Variants in FSTL5 observed in about 807,000 individuals in gnomAD.
FSTL5 encodes follistatin like 5, also known as follistatin-related protein 5.
FSTL5 carries 62 observed loss-of-function variants against 89.1 expected under a neutral mutation model. The ratio of observed to expected loss-of-function variants is 0.70; its 90% CI spans 0.57 to 0.86. The LOEUF (loss-of-function observed/expected upper bound fraction) is 0.86. Among genes scored for constraint, FSTL5 ranks in the 40% least tolerant of loss-of-function variants. The probability of loss-of-function intolerance (pLI) is 0.00; values close to 1 mark genes in which losing one functional copy is unlikely to be tolerated. For missense variants in FSTL5, 1,057 were observed against 1,001.6 expected, an observed-to-expected ratio of 1.06 and a Z score of -0.75; for synonymous variants, 383 against 346.2, an observed-to-expected ratio of 1.11 and a Z score of -1.18.
At chr4:161,654,003 A>T (rs1176062419) in intron 7 of FSTL5, among the ~76,000 whole-genome samples, 2 of 152,184 alleles carry the variant, frequency 1.3e-5, no homozygotes. Flanking sequence ...CTCAAAATGT[A>T]TCTGTTCTAT....
At chr4:161,990,055 T>C (rs1344446364) in intron 3 of FSTL5, among the ~76,000 whole-genome samples, 2 of 152,116 alleles carry the variant, frequency 1.3e-5, no homozygotes, top group African/African-American at 2.4e-5. Context: ...GGAAATAACT[T>C]TGTAAAATCT....
chr4:161,751,637 C>T (rs1740395831), intron 6 of FSTL5, among the ~76,000 whole-genome samples: 1 of 151,782 alleles, frequency 6.6e-6, no homozygotes, highest in African/African-American at 2.4e-5. Context: ...ATAAATTAGC[C>T]AAATGAGGTG....
At chr4:161,560,328 A>C (rs1354406612) in intron 8 of FSTL5, among the ~76,000 whole-genome samples, 1 of 151,950 alleles carries the variant, frequency 6.6e-6, no homozygotes, top group Non-Finnish European at 1.5e-5. Context: ...TGGTGAGTGA[A>C]TATAGAGGCC....
intron 4 of FSTL5, among the ~76,000 whole-genome samples, chr4:161,916,809 A>G (rs1448753866): frequency 6.6e-6 from 1 of 152,224 alleles, no homozygotes; most frequent in Non-Finnish European, 1.5e-5. Context: ...TATGTAACAC[A>G]AGTAATAGAA....
rs1737155169 is a variant in FSTL5 at position 161,672,619 on chromosome 4, AAT to A, written c.728-16127_728-16126del. On this transcript the variant is annotated intron_variant, in intron 6 of 15. Transcript: ENST00000306100. ...CTAGAGATATATAGAATTGAAGAAAAATACAAATTATCCTCTCTTTATTTTCA... is the reference window on the plus strand; with the variant it reads ...CTAGAGATATATAGAATTGAAGAAAAACAAATTATCCTCTCTTTATTTTCA... Among the ~76,000 whole-genome samples the A allele has an allele frequency of 2.6e-5, 4 of 152,052 alleles. No homozygotes were observed. The South Asian group carries it at 8.3e-4, about 32-fold the overall frequency.
chr4:161,554,067 TG>T (rs1732304876), intron 8 of FSTL5, among the ~76,000 whole-genome samples: 1 of 151,418 alleles, frequency 6.6e-6, no homozygotes, highest in African/African-American at 2.4e-5. Flanking sequence ...GAAATGAAGG[TG>T]AGGTTCTGAT....
chr4:161,499,098 A>G (rs1184886962), intron 12 of FSTL5, among the ~76,000 whole-genome samples: 2 of 152,072 alleles, frequency 1.3e-5, no homozygotes, highest in African/African-American at 4.8e-5. Flanking sequence ...GCTACTTGGG[A>G]GGCTGAGGCA....
chr4:161,401,110 G>A (rs1479979543), intron 15 of FSTL5, among the ~76,000 whole-genome samples: 1 of 152,152 alleles, frequency 6.6e-6, no homozygotes, highest in East Asian at 1.9e-4. Flanking sequence ...GCAAACTGAT[G>A]AAAAGGTATA....
intron 6 of FSTL5, among the ~76,000 whole-genome samples, chr4:161,687,992 G>C (rs1420296914): frequency 6.6e-6 from 1 of 152,230 alleles, no homozygotes; most frequent in Non-Finnish European, 1.5e-5. Context: ...GCCATAAGGA[G>C]AGGCTGGCAC....
intron 3 of FSTL5, among the ~76,000 whole-genome samples, chr4:161,995,652 A>T (rs1340955368): frequency 6.6e-6 from 1 of 151,500 alleles, no homozygotes; most frequent in African/African-American, 2.4e-5. Flanking sequence ...CATCGGAAGT[A>T]TACATTATGA....
At chr4:161,398,982 G>C (rs2110898881) in intron 15 of FSTL5, among the ~76,000 whole-genome samples, 1 of 152,110 alleles carries the variant, frequency 6.6e-6, no homozygotes, top group South Asian at 2.1e-4. Context: ...TGGTGCAATA[G>C]AATACACGTT....
Position 161,621,307 on chromosome 4 carries a change from A to ACAC in FSTL5, c.895-33733_895-33732insGTG, listed in dbSNP as rs1560983262. 3.0e-3 allele frequency among the ~76,000 whole-genome samples: 384 copies of ACAC among 126,738 alleles called. 3 individuals are homozygous for ACAC. The highest frequency in any genetic ancestry group is 0.011 in the African/African-American group (372 of 34,404). The allele number at this position is 126,738 out of a possible 152,430, so 83.1% of individuals were successfully genotyped here. ...ACACACACACACACACACACACACA[A>ACAC]ACACAAAATTTGGCCAAAGAAGAAA... is the stretch of plus-strand genomic sequence containing the variant. On this transcript the variant is annotated intron_variant, in intron 7 of 15. Coordinates refer to ENST00000306100, the MANE Select transcript of FSTL5 (RefSeq NM_020116.5).
At chr4:161,450,485 A>C (rs1733124256) in intron 15 of FSTL5, among the ~76,000 whole-genome samples, 1 of 152,136 alleles carries the variant, frequency 6.6e-6, no homozygotes, top group African/African-American at 2.4e-5. Context: ...TAGCCATGTA[A>C]TTTTTAAAAA....
intron 13 of FSTL5, among the ~76,000 whole-genome samples, chr4:161,476,401 G>A (rs999005067): frequency 1.3e-5 from 2 of 151,718 alleles, no homozygotes; most frequent in Non-Finnish European, 2.9e-5. Context: ...TGGTTAGGTT[G>A]GTCTCGAACT....
chr4:162,113,914 A>G (rs1258672745), intron 1 of FSTL5, among the ~76,000 whole-genome samples: 1 of 152,130 alleles, frequency 6.6e-6, no homozygotes, highest in Non-Finnish European at 1.5e-5. Flanking sequence ...CTTCTCCATT[A>G]GATATCTTTT....
chr4:161,461,606 T>G (rs1464016758), intron 13 of FSTL5, among the ~76,000 whole-genome samples: 2 of 152,072 alleles, frequency 1.3e-5, no homozygotes, highest in Non-Finnish European at 2.9e-5. Context: ...TTGATGTTAT[T>G]TAGGTAATTA....
chr4:161,624,905 C>G (rs1735262757), intron 7 of FSTL5, among the ~76,000 whole-genome samples: 1 of 151,980 alleles, frequency 6.6e-6, no homozygotes, highest in African/African-American at 2.4e-5. Context: ...GAAGTCCTAC[C>G]GGAAGCAGCA....
At chr4:161,523,914 G>A (rs1731117821) in intron 10 of FSTL5, among the ~76,000 whole-genome samples, 1 of 152,118 alleles carries the variant, frequency 6.6e-6, no homozygotes, top group Non-Finnish European at 1.5e-5. Context: ...TACCTTTGAA[G>A]GGTAAACCAA....
chr4:162,131,124 A>G (rs1188242746), intron 1 of FSTL5, among the ~76,000 whole-genome samples: 1 of 152,148 alleles, frequency 6.6e-6, no homozygotes, highest in East Asian at 1.9e-4. Context: ...CTGCTCTGTA[A>G]GCTGTAATAT....
Sources: gnomAD v4.1 joint callset for allele counts (sites outside exome capture counted in the v4.1 genomes callset) on GRCh38, gnomAD v4.1.1 for gene constraint, MANE v1.5 for transcripts, NCBI Gene and HGNC (gene_info 2026-07-23, HGNC 2026-07-21) for gene names.